CPQ: variants seen among roughly 807,000 people sequenced by gnomAD.
The protein encoded by CPQ is Ser-Met dipeptidase.
In CPQ, 37 loss-of-function variants were observed where a neutral mutation model predicts 45.7. The observed-to-expected ratio is 0.81, with a 90% confidence interval of 0.62 to 1.07. The LOEUF is 1.07. CPQ is among the 50% of genes least tolerant of loss of function. The probability of loss-of-function intolerance (pLI) is 0.00; values close to 1 mark genes in which losing one functional copy is unlikely to be tolerated. For missense variants in CPQ, 537 were observed against 572.9 expected (o/e 0.94, Z 0.64); for synonymous variants, 186 against 205.8 (o/e 0.90, Z 0.82).
At chr8:96,883,696 G>A (rs1269794465) in intron 4 of CPQ, among the ~76,000 whole-genome samples, 1 of 152,096 alleles carries the variant, frequency 6.6e-6, no homozygotes, top group Non-Finnish European at 1.5e-5. Context: ...TGACTAATGA[G>A]CCTGAAAAAG....
At chr8:96,845,625 G>A (rs1044670050) in intron 3 of CPQ, among the ~76,000 whole-genome samples, 15 of 151,922 alleles carry the variant, frequency 9.9e-5, no homozygotes, top group African/African-American at 3.6e-4. Context: ...TGGGACCACA[G>A]ACACAAGGCA....
rs117638233 is a variant in CPQ, at chr8:97,139,270, A to G, written c.1256-3750A>G. Among the ~76,000 whole-genome samples the G allele has an allele frequency of 1.2e-4, 19 of 152,320 alleles. No individual in the cohort carries two copies. In the East Asian group the frequency reaches 3.5e-3, roughly 28 times the overall value. Reference sequence around the variant, plus strand: ...TATATTTTAAAAAATTACTGGAACTACGGAATATTCAAAATCACAAAGGGA... The same window carrying G: ...TATATTTTAAAAAATTACTGGAACTGCGGAATATTCAAAATCACAAAGGGA... On this transcript the variant is annotated intron_variant, in intron 7 of 7. Coordinates refer to ENST00000220763, the MANE Select transcript of CPQ (RefSeq NM_016134.4).
intron 1 of CPQ, among the ~76,000 whole-genome samples, chr8:96,697,471 T>C (rs1809401002): frequency 6.6e-6 from 1 of 152,152 alleles, no homozygotes; most frequent in Non-Finnish European, 1.5e-5. Flanking sequence ...ATGACAAGGA[T>C]GCCCACCTTC....
chr8:97,038,825 C>CAAAAAAAAAAAAAAAA (rs35739621), intron 6 of CPQ, among the ~76,000 whole-genome samples: 7 of 91,874 alleles, frequency 7.6e-5, no homozygotes, highest in African/African-American at 8.4e-5. Context: ...ACCGTATTTA[C>CAAAAAAAAAAAAAAAA]AAAAAAAAAA....
At chr8:96,788,342 T>C (rs1256679496) in intron 2 of CPQ, among the ~76,000 whole-genome samples, 4 of 152,018 alleles carry the variant, frequency 2.6e-5, no homozygotes, top group African/African-American at 9.7e-5. Flanking sequence ...GTATTTTTAG[T>C]AGAGATGCAG....
At chr8:96,710,940 G>A (rs965046484) in intron 1 of CPQ, among the ~76,000 whole-genome samples, 3 of 152,038 alleles carry the variant, frequency 2.0e-5, no homozygotes, top group Non-Finnish European at 4.4e-5. Flanking sequence ...GCTGTCAGTG[G>A]AGCATTGAAG....
At chr8:96,744,869 G>A (rs979634106) in intron 1 of CPQ, among the ~76,000 whole-genome samples, 4 of 152,176 alleles carry the variant, frequency 2.6e-5, no homozygotes, top group African/African-American at 9.6e-5. Flanking sequence ...GGTTTGGACT[G>A]AAGTGTTGAT....
At chr8:96,752,081 C>T (rs1373533301) in intron 1 of CPQ, among the ~76,000 whole-genome samples, 1 of 152,156 alleles carries the variant, frequency 6.6e-6, no homozygotes, top group Non-Finnish European at 1.5e-5. Context: ...ATGGCTCCAA[C>T]TTTGTTCTTT....
At chr8:96,654,467 G>A (rs1198817277) in intron 1 of CPQ, among the ~76,000 whole-genome samples, 1 of 151,948 alleles carries the variant, frequency 6.6e-6, no homozygotes, top group African/African-American at 2.4e-5. Flanking sequence ...TCTCTATCGG[G>A]GTTCTCTAAC....
At chr8:96,738,353 TA>T (rs1253933081) in intron 1 of CPQ, among the ~76,000 whole-genome samples, 2 of 152,186 alleles carry the variant, frequency 1.3e-5, no homozygotes, top group African/African-American at 4.8e-5. Flanking sequence ...GTAGTCCAGA[TA>T]TTTTTTGCCT....
At chr8:97,024,083 T>C (rs1809755524) in intron 5 of CPQ, among the ~76,000 whole-genome samples, 1 of 152,220 alleles carries the variant, frequency 6.6e-6, no homozygotes, top group African/African-American at 2.4e-5. Flanking sequence ...CTCATGCTAG[T>C]CTGAAATTAG....
intron 1 of CPQ, among the ~76,000 whole-genome samples, chr8:96,765,980 T>C (rs529299259): frequency 8.5e-5 from 13 of 152,282 alleles, no homozygotes; most frequent in Non-Finnish European, 1.2e-4. Context: ...TTGGGACCTG[T>C]AGGAGGCCCT....
intron 1 of CPQ, among the ~76,000 whole-genome samples, chr8:96,679,957 T>TA (rs139556044): frequency 0.024 from 3,681 of 152,192 alleles, 166 homozygotes; most frequent in African/African-American, 0.084. Flanking sequence ...CTTCTGTTAA[T>TA]ATTAGGTTTG....
At chr8:96,826,713 A>G (rs1811383914) in intron 2 of CPQ, among the ~76,000 whole-genome samples, 1 of 151,894 alleles carries the variant, frequency 6.6e-6, no homozygotes, top group African/African-American at 2.4e-5. Flanking sequence ...TGTTGCACCC[A>G]TCAGCCCATT....
chr8:96,653,245 C>G (rs1431320408), intron 1 of CPQ, among the ~76,000 whole-genome samples: 1 of 152,050 alleles, frequency 6.6e-6, no homozygotes, highest in Non-Finnish European at 1.5e-5. Flanking sequence ...CATTTTCTGT[C>G]TTTTTCATAA....
intron 5 of CPQ, among the ~76,000 whole-genome samples, chr8:97,023,385 C>T (rs565898471): frequency 2.6e-5 from 4 of 152,096 alleles, no homozygotes; most frequent in African/African-American, 9.6e-5. Flanking sequence ...GTATACTGCT[C>T]AGGTGATGGG....
At chr8:96,943,357 T>C (rs921896583) in intron 4 of CPQ, among the ~76,000 whole-genome samples, 2 of 152,202 alleles carry the variant, frequency 1.3e-5, no homozygotes, top group African/African-American at 4.8e-5. Flanking sequence ...TCTCTGTATG[T>C]AATGGTGGGA....
In CPQ at chr8:96,732,419, G is replaced by A. The variant is rs145922986; in HGVS notation, c.-34-52445G>A. ...GGTAGGTGCTTAGGCCAATTAAGAT[G>A]TTTGGTGGGCTCAGTGGGGATGACC... On this transcript the variant is annotated intron_variant, in intron 1 of 7. Transcript: ENST00000220763. 33 of 152,318 alleles carry A rather than the reference G, an allele frequency of 2.2e-4. No homozygotes were observed. The East Asian group carries it at 6.0e-3, about 28-fold the overall frequency. 9.4% of individuals were successfully genotyped at this position (152,318 alleles called of 1,614,324 possible). A position where few individuals can be genotyped will look rare whatever the true frequency, so the allele number is the denominator to read the frequency against.
intron 7 of CPQ, among the ~76,000 whole-genome samples, chr8:97,091,406 T>C (rs894792879): frequency 6.6e-6 from 1 of 152,042 alleles, no homozygotes; most frequent in South Asian, 2.1e-4. Context: ...TGGCGTTCCA[T>C]GAGATTAGTT....
Sources: gnomAD v4.1 joint callset for allele counts (sites outside exome capture counted in the v4.1 genomes callset) on GRCh38, gnomAD v4.1.1 for gene constraint, MANE v1.5 for transcripts, NCBI Gene and HGNC (gene_info 2026-07-23, HGNC 2026-07-21) for gene names.